Variants in UNC13C observed in about 807,000 individuals in gnomAD.
UNC13C encodes protein unc-13 homolog C.
In UNC13C, 174 loss-of-function variants were observed where a neutral mutation model predicts 245.4. The ratio of observed to expected loss-of-function variants is 0.71; its 90% confidence interval spans 0.63 to 0.80. UNC13C has a LOEUF of 0.80. Among genes scored for constraint, UNC13C ranks in the 30% least tolerant of loss-of-function variants. The probability of loss-of-function intolerance (pLI) is 0.00; values close to 1 mark genes in which losing one functional copy is unlikely to be tolerated. For missense variants in UNC13C, 2,829 were observed against 2,602.9 expected, an observed-to-expected ratio of 1.09 and a Z score of -1.89; for synonymous variants, 992 against 895.1, an observed-to-expected ratio of 1.11 and a Z score of -1.93.
chr15:54,016,709 C>T (rs1456469718), intron 2 of UNC13C, among the ~76,000 whole-genome samples: 4 of 152,178 alleles, frequency 2.6e-5, no homozygotes, highest in Non-Finnish European at 4.4e-5. Context: ...TTCTATTTCT[C>T]AACCCAACTT....
At chr15:54,108,805 T>C (rs1256120406) in intron 2 of UNC13C, among the ~76,000 whole-genome samples, 1 of 152,156 alleles carries the variant, frequency 6.6e-6, no homozygotes, top group Non-Finnish European at 1.5e-5. Flanking sequence ...TTCTCTCTCT[T>C]GGTTGATTTC....
intron 13 of UNC13C, among the ~76,000 whole-genome samples, chr15:54,318,098 G>T (rs1274282564): frequency 6.6e-6 from 1 of 151,884 alleles, no homozygotes; most frequent in Non-Finnish European, 1.5e-5. Context: ...ATTCTCTGAT[G>T]TATATAACCA....
intron 30 of UNC13C, among the ~76,000 whole-genome samples, chr15:54,577,045 C>A (rs535484182): frequency 2.0e-5 from 3 of 152,278 alleles, no homozygotes; most frequent in Admixed American, 2.0e-4. Flanking sequence ...GTTCTAGACA[C>A]TGGAACATCC....
At chr15:54,571,129 C>G (rs1263034609) in intron 30 of UNC13C, among the ~76,000 whole-genome samples, 1 of 152,152 alleles carries the variant, frequency 6.6e-6, no homozygotes, top group African/African-American at 2.4e-5. Flanking sequence ...AATGAAGTCT[C>G]AGTTTCCAGT....
chr15:54,307,766 T>C (rs1346146661), intron 13 of UNC13C, among the ~76,000 whole-genome samples: 2 of 151,930 alleles, frequency 1.3e-5, no homozygotes, highest in South Asian at 2.1e-4. Flanking sequence ...ATTGCTCTTG[T>C]ACTCAAAATC....
At chr15:54,270,970 A>C (rs1162237260) in intron 10 of UNC13C, among the ~76,000 whole-genome samples, 1 of 152,338 alleles carries the variant, frequency 6.6e-6, no homozygotes, top group East Asian at 1.9e-4. Flanking sequence ...TAGTTGAAAT[A>C]ATTTTTCAAC....
the UNC13C span, among the ~76,000 whole-genome samples, chr15:53,862,894 C>T: frequency 6.6e-6 from 1 of 152,122 alleles, no homozygotes; most frequent in Non-Finnish European, 1.5e-5. Flanking sequence ...CTGGCTCCCC[C>T]AAATTCAAGT....
At chr15:54,602,168 A>G (rs1416292728) in intron 30 of UNC13C, among the ~76,000 whole-genome samples, 1 of 152,242 alleles carries the variant, frequency 6.6e-6, no homozygotes, top group Admixed American at 6.5e-5. Context: ...ATCCAAAGAA[A>G]GCAAACCTGT....
chr15:54,428,848 A>G (rs1429732553), intron 19 of UNC13C, among the ~76,000 whole-genome samples: 1 of 151,716 alleles, frequency 6.6e-6, no homozygotes, highest in Admixed American at 6.6e-5. Flanking sequence ...GTACTGTCCC[A>G]TGGTGCTTCC....
At chr15:54,103,762 T>G (rs994543695) in intron 2 of UNC13C, among the ~76,000 whole-genome samples, 4 of 152,288 alleles carry the variant, frequency 2.6e-5, no homozygotes, top group Non-Finnish European at 4.4e-5. Flanking sequence ...TATTTTTTTA[T>G]GAGACAGAGT....
At chr15:54,002,154 C>A (rs754427774) in intron 1 of UNC13C, among the ~76,000 whole-genome samples, 1 of 152,058 alleles carries the variant, frequency 6.6e-6, no homozygotes, top group Non-Finnish European at 1.5e-5. Flanking sequence ...GGCGTGGTGG[C>A]GGGCACCTGT....
chr15:54,251,118 A>T (rs888643084), intron 8 of UNC13C, among the ~76,000 whole-genome samples: 14 of 152,086 alleles, frequency 9.2e-5, no homozygotes, highest in Non-Finnish European at 1.9e-4. Flanking sequence ...GAATATGTAA[A>T]ATCAGGTTCC....
intron 30 of UNC13C, among the ~76,000 whole-genome samples, chr15:54,584,058 C>T (rs2681955): frequency 1.9e-3 from 285 of 152,274 alleles, no homozygotes; most frequent in African/African-American, 6.7e-3. Context: ...TCTTCTGTTC[C>T]TGCGTTTTGG....
chr15:54,166,309 A>G (rs1410970908), intron 4 of UNC13C, among the ~76,000 whole-genome samples: 1 of 152,114 alleles, frequency 6.6e-6, no homozygotes, highest in Admixed American at 6.5e-5. Context: ...ATTTGAATGT[A>G]TGATAGGAGA....
Position 54,300,230 on chromosome 15 carries a change from T to G in UNC13C, c.4125T>G (p.Thr1375=). Residue 1375 remains threonine (T), a synonymous_variant, in exon 13 of 33, where the codon ACT becomes ACG. Transcript: ENST00000260323. Reference sequence around the variant, plus strand: ...TTTAGAATCTGTTCCATTACTTGACTGAAGTGAAATCTAATGGTGGAGTGA... The same window carrying G: ...TTTAGAATCTGTTCCATTACTTGACGGAAGTGAAATCTAATGGTGGAGTGA... ...CLHENLFHYL[T]EVKSNGGVKI... 1 of 1,600,570 alleles carries G rather than the reference T, an allele frequency of 6.2e-7. No homozygotes were observed. Among genetic ancestry groups the G allele is most frequent in the Non-Finnish European group, 8.5e-7 (1 of 1,172,932 alleles).
intron 2 of UNC13C, among the ~76,000 whole-genome samples, chr15:54,119,634 A>G (rs1214090730): frequency 6.6e-6 from 1 of 152,184 alleles, no homozygotes; most frequent in Non-Finnish European, 1.5e-5. Flanking sequence ...ATTGAAAACT[A>G]GAAATGATTA....
chr15:54,526,199 T>C (rs1306759855), intron 25 of UNC13C, among the ~76,000 whole-genome samples: 1 of 152,150 alleles, frequency 6.6e-6, no homozygotes, highest in East Asian at 1.9e-4. Context: ...ATATTTTAAA[T>C]GTTTGTTAAA....
At chr15:53,929,652 A>T in the UNC13C span, among the ~76,000 whole-genome samples, 1 of 152,182 alleles carries the variant, frequency 6.6e-6, no homozygotes, top group Non-Finnish European at 1.5e-5. Context: ...GAATTTTAAG[A>T]GGAAAACTTC....
At chr15:54,205,085 G>A (rs1424846059) in intron 4 of UNC13C, among the ~76,000 whole-genome samples, 1 of 151,980 alleles carries the variant, frequency 6.6e-6, no homozygotes, top group African/African-American at 2.4e-5. Flanking sequence ...AGAACTGAAA[G>A]AGTTTTAAAA....
Sources: allele counts gnomAD v4.1 joint callset (sites outside exome capture counted in the v4.1 genomes callset), GRCh38; gene constraint gnomAD v4.1.1; transcripts MANE v1.5; gene names NCBI Gene and HGNC (gene_info 2026-07-23, HGNC 2026-07-21).